The following RAB38 variants were observed in gnomAD, a reference collection of about 807,000 sequenced individuals.
The protein encoded by RAB38 is RAB38, member RAS oncogene family, also known as ras-related protein Rab-38.
A neutral mutation model predicts 18.4 loss-of-function variants in RAB38; 15 were observed. The ratio of observed to expected loss-of-function variants is 0.82; its 90% CI spans 0.55 to 1.26. The LOEUF is 1.26. Among genes scored for constraint, RAB38 ranks in the 50% most tolerant of loss-of-function variants. The pLI is 0.00. For missense variants in RAB38, 294 were observed against 267.4 expected (o/e 1.10, Z -0.69); for synonymous variants, 101 against 104.4 (o/e 0.97, Z 0.20).
the RAB38 span, among the ~76,000 whole-genome samples, chr11:87,965,769 A>T: frequency 6.6e-6 from 1 of 152,118 alleles, no homozygotes; most frequent in African/African-American, 2.4e-5. Flanking sequence ...TTTTATAGGT[A>T]TTATTTTAAC....
At chr11:87,815,207 T>C in the RAB38 span, 2 of 152,186 alleles carry the variant, frequency 1.3e-5, no homozygotes, top group Non-Finnish European at 2.9e-5. Flanking sequence ...ACTGACTTCA[T>C]GGATAGAATA....
chr11:88,138,814 G>A (rs1211272859), intron 2 of RAB38, among the ~76,000 whole-genome samples: 1 of 148,308 alleles, frequency 6.7e-6, no homozygotes, highest in East Asian at 2.0e-4. Context: ...GCGGAGTCTT[G>A]CTCTGTCGCC....
chr11:88,134,493 T>C lies in RAB38; in HGVS notation c.483+15182A>G, dbSNP rs956370092. On this transcript the variant is annotated intron_variant, in intron 2 of 2. Coordinates refer to ENST00000243662, the MANE Select transcript of RAB38 (RefSeq NM_022337.3). Reference sequence around the variant, plus strand: ...TTGACCTTAAGTGATTCCCCTCACCTCGGCCTCCCAAAGTGCTGGGATTAC... The same window carrying C: ...TTGACCTTAAGTGATTCCCCTCACCCCGGCCTCCCAAAGTGCTGGGATTAC... Among the ~76,000 whole-genome samples the C allele has an allele frequency of 2.0e-5, 3 of 152,196 alleles. No homozygotes were observed. The South Asian group carries it at 6.2e-4, about 31-fold the overall frequency.
At chr11:87,894,658 C>T in the RAB38 span, among the ~76,000 whole-genome samples, 82 of 151,312 alleles carry the variant, frequency 5.4e-4, no homozygotes, top group African/African-American at 1.8e-3. Flanking sequence ...ATTGAAATAA[C>T]GTCAAGTATG....
At chr11:87,914,170 G>C in the RAB38 span, among the ~76,000 whole-genome samples, 9 of 152,108 alleles carry the variant, frequency 5.9e-5, no homozygotes, top group African/African-American at 1.7e-4. Flanking sequence ...TGATTGTGAT[G>C]AGGACTCGGA....
At chr11:88,038,935 CTA>C in the RAB38 span, among the ~76,000 whole-genome samples, 1 of 152,166 alleles carries the variant, frequency 6.6e-6, no homozygotes, top group Admixed American at 6.5e-5. Flanking sequence ...CAACACTATG[CTA>C]TGCTTTGTGG....
the RAB38 span, among the ~76,000 whole-genome samples, chr11:88,058,268 G>T: frequency 6.6e-5 from 10 of 152,028 alleles, no homozygotes; most frequent in Non-Finnish European, 1.5e-4. Flanking sequence ...GGACATTCCT[G>T]CTGGTTATTT....
the RAB38 span, among the ~76,000 whole-genome samples, chr11:87,832,895 G>A: frequency 6.6e-6 from 1 of 151,976 alleles, no homozygotes; most frequent in Non-Finnish European, 1.5e-5. Flanking sequence ...ATCTCACAGT[G>A]GGGGGTGGGG....
chr11:87,976,844 G>GTTATATAAGGTATTATATA, the RAB38 span, among the ~76,000 whole-genome samples: 3 of 19,906 alleles, frequency 1.5e-4, 1 homozygote, highest in African/African-American at 4.2e-4. Flanking sequence ...AATATATATT[G>GTTATATAAGGTATTATATA]TGTTATATAA....
chr11:87,976,546 T>G, the RAB38 span, among the ~76,000 whole-genome samples: 1 of 126,900 alleles, frequency 7.9e-6, no homozygotes, highest in Non-Finnish European at 1.6e-5. Flanking sequence ...CATTTATATT[T>G]TATATATACT....
chr11:88,013,527 G>A, the RAB38 span, among the ~76,000 whole-genome samples: 2 of 152,230 alleles, frequency 1.3e-5, no homozygotes, highest in South Asian at 2.1e-4. Flanking sequence ...GCAATGCTGA[G>A]ATTTTGTTCT....
chr11:88,025,409 G>C, the RAB38 span, among the ~76,000 whole-genome samples: 3 of 152,116 alleles, frequency 2.0e-5, no homozygotes, highest in Non-Finnish European at 4.4e-5. Flanking sequence ...TAACGGGATT[G>C]CTAGGTCAAA....
the RAB38 span, among the ~76,000 whole-genome samples, chr11:87,955,351 CACTGGAGGCT>C: frequency 3.3e-5 from 5 of 152,102 alleles, no homozygotes. Context: ...CAACAATGGA[CACTGGAGGCT>C]GCTGGAAGCG....
At chr11:87,827,615 T>C in the RAB38 span, among the ~76,000 whole-genome samples, 1 of 152,032 alleles carries the variant, frequency 6.6e-6, no homozygotes, top group South Asian at 2.1e-4. Flanking sequence ...GCCATAGAAA[T>C]AAAAAAATCT....
chr11:88,023,786 C>T, the RAB38 span, among the ~76,000 whole-genome samples: 1 of 152,166 alleles, frequency 6.6e-6, no homozygotes, highest in Non-Finnish European at 1.5e-5. Flanking sequence ...CAAGAACATA[C>T]ATCAGAAAAA....
chr11:87,814,545 TAA>T, the RAB38 span, among the ~76,000 whole-genome samples: 2 of 152,136 alleles, frequency 1.3e-5, no homozygotes, highest in Non-Finnish European at 2.9e-5. Flanking sequence ...ACTGACATGG[TAA>T]AGTGTGTGCT....
chr11:88,019,687 C>G, the RAB38 span, among the ~76,000 whole-genome samples: 1 of 152,164 alleles, frequency 6.6e-6, no homozygotes, highest in African/African-American at 2.4e-5. Context: ...GAATACCTCC[C>G]AGATGCACTC....
intron 2 of RAB38, among the ~76,000 whole-genome samples, chr11:88,121,970 C>A (rs568289598): frequency 2.0e-5 from 3 of 152,186 alleles, no homozygotes; most frequent in African/African-American, 7.2e-5. Context: ...GCAAAAGTTA[C>A]GAACAAACAG....
At chr11:87,805,557 G>T in the RAB38 span, among the ~76,000 whole-genome samples, 1 of 151,622 alleles carries the variant, frequency 6.6e-6, no homozygotes, top group Non-Finnish European at 1.5e-5. Flanking sequence ...GATAGAGGGA[G>T]GGAGTGATTG....
Sources: gnomAD v4.1 joint callset for allele counts (sites outside exome capture counted in the v4.1 genomes callset) on GRCh38, gnomAD v4.1.1 for gene constraint, MANE v1.5 for transcripts, NCBI Gene and HGNC (gene_info 2026-07-23, HGNC 2026-07-21) for gene names.